ACADM: variants seen among roughly 807,000 people sequenced by gnomAD.
The protein encoded by ACADM is acyl-CoA dehydrogenase medium chain.
Under a neutral mutation model 58.9 loss-of-function variants are expected in ACADM, and 49 were observed. The ratio of observed to expected loss-of-function variants is 0.83; its 90% CI spans 0.66 to 1.06. The LOEUF is 1.06. Among genes scored for constraint, ACADM ranks in the 50% least tolerant of loss-of-function variants. The pLI, the probability that ACADM is intolerant of heterozygous loss-of-function variation, is 0.00. For missense variants in ACADM, 496 were observed against 507.0 expected (o/e 0.98, Z 0.21); for synonymous variants, 160 against 157.7 (o/e 1.01, Z -0.11).
chr1:75,733,694 AGTT>A, intron 5 of ACADM, 66 bp downstream of exon 5: 1 of 1,348,850 alleles, frequency 7.4e-7, no homozygotes, highest in East Asian at 2.3e-5. Flanking sequence ...CTCCTGAAGA[AGTT>A]GGATTTTTAG....
At chr1:75,725,924 T>C (rs550703812) in intron 1 of ACADM, among the ~76,000 whole-genome samples, 17 of 152,358 alleles carry the variant, frequency 1.1e-4, no homozygotes, top group Middle Eastern at 3.4e-3. Flanking sequence ...CATTCAGCAA[T>C]TATAACTCCA....
At position 75,761,300 on chromosome 1, in the gene ACADM, T is replaced by C. The variant is rs121434275; in HGVS notation, c.1124T>C (p.Ile375Thr). ...CAGTTAGCTACTGATGCTGTGCAGATACTTGGAGGCAATGGATTTAATACA... is the reference window on the plus strand; with the variant it reads ...CAGTTAGCTACTGATGCTGTGCAGACACTTGGAGGCAATGGATTTAATACA... ...ANQLATDAVQ[I>T]LGGNGFNTEY... Residue 375 changes from isoleucine (I) to threonine (T), a missense_variant, in exon 11 of 12, where the codon ATA becomes ACA. Ile to Thr is a moderately conservative substitution (Grantham distance 89). Coordinates refer to ENST00000370841, the MANE Select transcript of ACADM (RefSeq NM_000016.6). 1 of 1,613,958 alleles carries C rather than the reference T, an allele frequency of 6.2e-7. No homozygotes were observed. Among genetic ancestry groups the C allele is most frequent in the Admixed American group, 1.7e-5 (1 of 60,002 alleles).
intron 7 of ACADM, chr1:75,743,866 TC>T: frequency 7.0e-7 from 1 of 1,419,262 alleles, no homozygotes; most frequent in African/African-American, 1.4e-5. Context: ...TTTGGTTATA[TC>T]ATCAATCACT....
At chr1:75,757,923 C>A (rs752214595) in intron 10 of ACADM, among the ~76,000 whole-genome samples, 4 of 152,142 alleles carry the variant, frequency 2.6e-5, no homozygotes, top group Non-Finnish European at 5.9e-5. Flanking sequence ...GACTCCAGAA[C>A]TTCTGGCTGA....
intron 6 of ACADM, among the ~76,000 whole-genome samples, chr1:75,739,366 C>T (rs1303359849): frequency 1.3e-5 from 2 of 152,124 alleles, no homozygotes; most frequent in Non-Finnish European, 2.9e-5. Context: ...CATCGTGGTA[C>T]ATAGTAGATA....
At chr1:75,732,146 T>C (rs1647158459) in intron 2 of ACADM, among the ~76,000 whole-genome samples, 1 of 137,072 alleles carries the variant, frequency 7.3e-6, no homozygotes, top group Non-Finnish European at 1.6e-5. Flanking sequence ...AATGAGACTG[T>C]CTCAAAAAAA....
chr1:75,726,659 C>G (rs1443594699), intron 1 of ACADM, among the ~76,000 whole-genome samples: 2 of 152,150 alleles, frequency 1.3e-5, no homozygotes, highest in Non-Finnish European at 2.9e-5. Context: ...CGTTTCTTCA[C>G]ATGCGAAAGT....
chr1:75,747,496 TG>T, intron 8 of ACADM, among the ~76,000 whole-genome samples: 1 of 152,342 alleles, frequency 6.6e-6, no homozygotes, highest in South Asian at 2.1e-4. Context: ...TGAAATTTAA[TG>T]TTTTCAGGCC....
intron 2 of ACADM, among the ~76,000 whole-genome samples, chr1:75,732,273 ATGTCT>A (rs751226402): frequency 4.6e-5 from 7 of 152,098 alleles, no homozygotes; most frequent in African/African-American, 9.7e-5. Context: ...CGTCAGGGAG[ATGTCT>A]TGTATATTAG....
chr1:75,733,303 A>T (rs1647184323), intron 4 of ACADM: 1 of 1,175,160 alleles, frequency 8.5e-7, no homozygotes, highest in Admixed American at 2.8e-5. Flanking sequence ...TTAGAACAGG[A>T]ATACAGGTTC....
intron 6 of ACADM, among the ~76,000 whole-genome samples, chr1:75,735,632 C>T (rs527277762): frequency 6.6e-6 from 1 of 152,072 alleles, no homozygotes; most frequent in South Asian, 2.1e-4. Flanking sequence ...GCAGGTGGAT[C>T]ACCTGAGGTT....
chr1:75,760,352 G>A (rs1354631895), intron 10 of ACADM, among the ~76,000 whole-genome samples: 1 of 149,792 alleles, frequency 6.7e-6, no homozygotes, highest in Non-Finnish European at 1.5e-5. Context: ...AACCTGGGGG[G>A]CAGAGGTTGC....
At chr1:75,738,574 A>T (rs1647398055) in intron 6 of ACADM, among the ~76,000 whole-genome samples, 1 of 152,078 alleles carries the variant, frequency 6.6e-6, no homozygotes. Flanking sequence ...ACTACTTTGA[A>T]TTAAAATGTA....
chr1:75,745,265 T>C (rs1319186797), intron 7 of ACADM, among the ~76,000 whole-genome samples: 1 of 152,108 alleles, frequency 6.6e-6, no homozygotes, highest in Non-Finnish European at 1.5e-5. Context: ...CGTGGGAAGA[T>C]CCCTTGAGTC....
chr1:75,744,126 C>T, intron 7 of ACADM: 1 of 1,582,146 alleles, frequency 6.3e-7, no homozygotes. Context: ...GAATGCAGAC[C>T]TTTGCCAGCT....
At chr1:75,728,610 G>A (rs773396853) in intron 2 of ACADM, 122 bp downstream of exon 2, 29 of 729,372 alleles carry the variant, frequency 4.0e-5, no homozygotes, top group Non-Finnish European at 6.2e-5. Flanking sequence ...CCAGTCCACT[G>A]TCCACAGATA....
At chr1:75,727,604 TG>T (rs879443001) in intron 1 of ACADM, among the ~76,000 whole-genome samples, 34 of 152,204 alleles carry the variant, frequency 2.2e-4, no homozygotes, top group Non-Finnish European at 4.4e-4. Flanking sequence ...TTTGATTGTT[TG>T]TTTCTTTATA....
At chr1:75,733,031 A>G in intron 4 of ACADM, 109 bp downstream of exon 4, 2 of 1,613,378 alleles carry the variant, frequency 1.2e-6, no homozygotes, top group Non-Finnish European at 1.7e-6. Context: ...ATGACTTTCT[A>G]CCTTTGTCTT....
intron 10 of ACADM, among the ~76,000 whole-genome samples, chr1:75,759,802 C>A (rs1435401932): frequency 6.6e-6 from 1 of 151,842 alleles, no homozygotes; most frequent in East Asian, 2.0e-4. Flanking sequence ...GCTGGTATTA[C>A]AAGCATGTGC....
Sources: allele counts gnomAD v4.1 joint callset (sites outside exome capture counted in the v4.1 genomes callset), GRCh38; gene constraint gnomAD v4.1.1; transcripts MANE v1.5; gene names NCBI Gene and HGNC (gene_info 2026-07-23, HGNC 2026-07-21).